Variants in ROBO2 observed in about 807,000 individuals in gnomAD.
The protein encoded by ROBO2 is roundabout homolog 2.
Under a neutral mutation model 160.8 loss-of-function variants are expected in ROBO2, and 53 were observed. The observed-to-expected ratio is 0.33, with a 90% CI of 0.26 to 0.41. The LOEUF (loss-of-function observed/expected upper bound fraction) is 0.41. Among genes scored for constraint, ROBO2 ranks in the 10% least tolerant of loss-of-function variants. The pLI is 1.00. For synonymous variants in ROBO2, 664 were observed against 611.7 expected (o/e 1.09, Z -1.26); for missense variants, 1,577 against 1,722.4 (o/e 0.92, Z 1.49).
At chr3:76,300,510 C>T (rs1469259270) in intron 2 of ROBO2, among the ~76,000 whole-genome samples, 3 of 151,838 alleles carry the variant, frequency 2.0e-5, no homozygotes, top group Admixed American at 1.3e-4. Flanking sequence ...TATCACTCAT[C>T]GTCTGGTGAA....
At chr3:76,428,469 T>C (rs2076306033) in intron 2 of ROBO2, among the ~76,000 whole-genome samples, 2 of 152,186 alleles carry the variant, frequency 1.3e-5, no homozygotes, top group African/African-American at 4.8e-5. Flanking sequence ...TATATGTCTA[T>C]TTCGAATGTT....
chr3:76,872,316 C>T (rs2072188721), intron 2 of ROBO2, among the ~76,000 whole-genome samples: 1 of 152,002 alleles, frequency 6.6e-6, no homozygotes, highest in Non-Finnish European at 1.5e-5. Flanking sequence ...TAAACCAAAT[C>T]AGTCTTATTT....
intron 2 of ROBO2, among the ~76,000 whole-genome samples, chr3:76,307,861 T>A (rs543762312): frequency 6.6e-6 from 1 of 152,320 alleles, no homozygotes; most frequent in South Asian, 2.1e-4. Context: ...ATATTGAGCA[T>A]GTTATCACTA....
chr3:75,991,100 G>A (rs923497414), intron 2 of ROBO2, among the ~76,000 whole-genome samples: 1 of 152,196 alleles, frequency 6.6e-6, no homozygotes, highest in Non-Finnish European at 1.5e-5. Flanking sequence ...GACATCAGAT[G>A]GTGGGACTGG....
At chr3:76,058,235 T>C (rs2107857185) in intron 2 of ROBO2, among the ~76,000 whole-genome samples, 1 of 152,236 alleles carries the variant, frequency 6.6e-6, no homozygotes. Context: ...GTATTGCTCC[T>C]AATACTGTCC....
intron 6 of ROBO2, among the ~76,000 whole-genome samples, chr3:77,532,226 T>C (rs1277641510): frequency 7.2e-5 from 11 of 151,942 alleles, no homozygotes; most frequent in Admixed American, 3.3e-4. Flanking sequence ...TTTTTTTTCC[T>C]CTCAGAACTT....
intron 2 of ROBO2, among the ~76,000 whole-genome samples, chr3:76,983,038 C>T (rs1302207575): frequency 6.6e-6 from 1 of 152,110 alleles, no homozygotes; most frequent in Non-Finnish European, 1.5e-5. Flanking sequence ...GTAATCACAG[C>T]ACTTTGGGAG....
chr3:77,067,028 T>TCACACA (rs144228628), intron 1 of ROBO2, among the ~76,000 whole-genome samples: 2,464 of 136,898 alleles, frequency 0.018, 53 homozygotes, highest in East Asian at 0.06. Flanking sequence ...ACACACACAC[T>TCACACA]CACACACACA....
Position 76,113,042 on chromosome 3 carries a change from A to G in ROBO2, c.109+175440A>G, listed in dbSNP as rs994122957. ...ATTAGCTTTTATTAACCACTAGTGG[A>G]GTAATTTCTGCAAATAAATACAGTG... On this transcript the variant is annotated intron_variant, in intron 2 of 26. Coordinates refer to the ROBO2 transcript ENST00000487694. Among the ~76,000 whole-genome samples, 11 of 152,228 alleles carry G rather than the reference A, an allele frequency of 7.2e-5. No individual in the cohort carries two copies. The East Asian group carries it at 2.1e-3, about 29-fold the overall frequency.
intron 2 of ROBO2, among the ~76,000 whole-genome samples, chr3:77,266,524 G>T (rs1224226504): frequency 6.6e-6 from 1 of 152,030 alleles, no homozygotes; most frequent in East Asian, 1.9e-4. Flanking sequence ...TTACGTAAAG[G>T]CCTTTTCTCC....
chr3:77,364,304 A>C lies in ROBO2; in HGVS notation c.389-113110A>C, dbSNP rs190915850. On this transcript the variant is annotated intron_variant, in intron 2 of 25. Transcript: ENST00000461745. Reference sequence around the variant, plus strand: ...TTATCTAGTGTGGTGCCTCCCAGGCAATGTTCATGACCTCACAAATGGGTC... The same window carrying C: ...TTATCTAGTGTGGTGCCTCCCAGGCCATGTTCATGACCTCACAAATGGGTC... Among the ~76,000 whole-genome samples the C allele has an allele frequency of 8.9e-4, 136 of 152,182 alleles. 1 individual carries two copies. In the East Asian group the frequency reaches 0.022, roughly 25 times the overall value.
chr3:77,078,131 C>A (rs1221342198), intron 1 of ROBO2, among the ~76,000 whole-genome samples: 1 of 152,078 alleles, frequency 6.6e-6, no homozygotes, highest in Non-Finnish European at 1.5e-5. Flanking sequence ...CTCAATGCAG[C>A]ACCTTAAATA....
chr3:77,636,420 C>G (rs1406090271), intron 24 of ROBO2, among the ~76,000 whole-genome samples: 2 of 151,888 alleles, frequency 1.3e-5, no homozygotes, highest in African/African-American at 2.4e-5. Context: ...GGTGAAACCC[C>G]CTCTCTACTA....
At chr3:76,141,149 CTCTCTCTCTCTA>C (rs1161082558) in intron 2 of ROBO2, among the ~76,000 whole-genome samples, 142 of 51,140 alleles carry the variant, frequency 2.8e-3, no homozygotes, top group African/African-American at 4.7e-3. Flanking sequence ...CTCTCTCTCT[CTCTCTCTCTCTA>C]TATATATATA....
At chr3:75,941,204 C>A (rs1948038929) in intron 2 of ROBO2, among the ~76,000 whole-genome samples, 1 of 152,140 alleles carries the variant, frequency 6.6e-6, no homozygotes, top group African/African-American at 2.4e-5. Flanking sequence ...AGTCCTCTAA[C>A]CTAGGCCTTC....
intron 2 of ROBO2, among the ~76,000 whole-genome samples, chr3:75,997,016 A>T (rs2065748998): frequency 6.6e-6 from 1 of 152,230 alleles, no homozygotes; most frequent in Non-Finnish European, 1.5e-5. Flanking sequence ...TATATAAGTA[A>T]GACTACTACA....
At chr3:77,586,315 T>C (rs1316588188) in intron 16 of ROBO2, among the ~76,000 whole-genome samples, 1 of 152,146 alleles carries the variant, frequency 6.6e-6, no homozygotes, top group Non-Finnish European at 1.5e-5. Flanking sequence ...TAGTTATTGC[T>C]TCTCTAATCA....
chr3:77,256,936 T>C (rs76994797), intron 2 of ROBO2, among the ~76,000 whole-genome samples: 229 of 152,156 alleles, frequency 1.5e-3, no homozygotes, highest in African/African-American at 5.3e-3. Flanking sequence ...AGCTCTCACT[T>C]TTTTTTGCTA....
At chr3:76,301,470 T>C (rs1452705631) in intron 2 of ROBO2, among the ~76,000 whole-genome samples, 1 of 152,082 alleles carries the variant, frequency 6.6e-6, no homozygotes, top group Non-Finnish European at 1.5e-5. Flanking sequence ...GTTTGTTCTT[T>C]GTGTTTTTTA....
Sources: allele counts gnomAD v4.1 joint callset (sites outside exome capture counted in the v4.1 genomes callset), GRCh38; gene constraint gnomAD v4.1.1; transcripts MANE v1.5; gene names NCBI Gene and HGNC (gene_info 2026-07-23, HGNC 2026-07-21).